The following TRAFD1 variants were observed in gnomAD, a reference collection of about 807,000 sequenced individuals.
The protein encoded by TRAFD1 is TRAF-type zinc finger domain containing 1.
In TRAFD1, 38 loss-of-function variants were observed where a neutral mutation model predicts 65.3. The observed-to-expected ratio is 0.58, with a 90% confidence interval of 0.45 to 0.76. The LOEUF (loss-of-function observed/expected upper bound fraction) is 0.76, where lower values mean the gene tolerates loss of function less well. Among genes scored for constraint, TRAFD1 ranks in the 30% least tolerant of loss-of-function variants. TRAFD1 has a pLI of 0.00. For missense variants in TRAFD1, 631 were observed against 712.6 expected, an observed-to-expected ratio of 0.89 and a Z score of 1.30; for synonymous variants, 223 against 257.2, an observed-to-expected ratio of 0.87 and a Z score of 1.27.
rs958553082 is a variant in TRAFD1, at chr12:112,149,871, G to A, written c.1279G>A (p.Gly427Arg). ...ELPRRRVRHQ[G>R]DLSSGYLDDT... ...GCCCAGGAGGCGTGTCAGACACCAG[G>A]GTATTTATTAGCCAGGACTCAGCCA... Residue 427 changes from glycine to arginine, a missense_variant and splice_region_variant, in exon 9 of 12, where the codon GGA (glycine) becomes AGA (arginine). Coordinates refer to ENST00000412615, the MANE Select transcript of TRAFD1 (RefSeq NM_006700.3). 2.5e-6 allele frequency: 4 copies of A among 1,613,954 alleles called. No homozygotes were observed. The highest frequency in any genetic ancestry group is 3.4e-6 in the Non-Finnish European group (4 of 1,179,906).
intron 6 of TRAFD1, among the ~76,000 whole-genome samples, chr12:112,145,034 C>T (rs1593870545): frequency 6.6e-6 from 1 of 152,146 alleles, no homozygotes; most frequent in South Asian, 2.1e-4. Context: ...GTAAATTTCC[C>T]TACATCCCGC....
Position 112,151,968 on chromosome 12 carries a change from G to A in TRAFD1, c.1447G>A (p.Val483Met), listed in dbSNP as rs1178198322. The change falls in exon 10 of 12, where the codon GTG (valine) becomes ATG (methionine). Residue 483 changes from valine (V) to methionine (M), a missense_variant. Coordinates refer to ENST00000412615, the MANE Select transcript of TRAFD1 (RefSeq NM_006700.3). ...RPGCQPSSPC[V>M]PKLSNSDSQD... Reference sequence around the variant, plus strand: ...TGGGTGCCAGCCCAGCTCTCCTTGTGTGCCGAAGCTCAGCAACTCAGACAG... The same window carrying A: ...TGGGTGCCAGCCCAGCTCTCCTTGTATGCCGAAGCTCAGCAACTCAGACAG... The A allele has an allele frequency of 1.2e-6, 2 of 1,614,220 alleles. No homozygotes were observed. Among genetic ancestry groups the A allele is most frequent in the South Asian group, 2.2e-5 (2 of 91,084 alleles).
Position 112,152,621 on chromosome 12 carries a change from T to C in TRAFD1, c.1693-114T>C, listed in dbSNP as rs2030441217. Reference sequence around the variant, plus strand: ...GGTTGTGGTTCAAAGATTGTTCCTTTGGCTTTTGAGAAGGAGGTTTCTAAG... The same window carrying C: ...GGTTGTGGTTCAAAGATTGTTCCTTCGGCTTTTGAGAAGGAGGTTTCTAAG... On this transcript the variant is annotated intron_variant, in intron 11 of 11. Coordinates refer to ENST00000412615, the MANE Select transcript of TRAFD1 (RefSeq NM_006700.3). This position sits in a 1 kb window ranked among gnomAD's most constrained non-coding sequence, Gnocchi z 5.0. 6.3e-7 allele frequency: 1 copy of C among 1,596,702 alleles called. No individual in the cohort carries two copies. The highest frequency in any genetic ancestry group is 8.6e-7 in the Non-Finnish European group (1 of 1,167,614).
chr12:112,133,514 A>C (rs533107454), intron 2 of TRAFD1, among the ~76,000 whole-genome samples: 62 of 152,298 alleles, frequency 4.1e-4, no homozygotes, highest in African/African-American at 1.5e-3. Context: ...CTGTTTTAAA[A>C]TAATCCTGGA....
At chr12:112,136,462 T>C (rs2029914629) in intron 4 of TRAFD1, among the ~76,000 whole-genome samples, 1 of 151,964 alleles carries the variant, frequency 6.6e-6, no homozygotes. Flanking sequence ...TTTGTATTTT[T>C]AGTAGAGACA....
At chr12:112,149,948 G>A in intron 9 of TRAFD1, 77 bp downstream of exon 9, 3 of 1,574,684 alleles carry the variant, frequency 1.9e-6, no homozygotes, top group South Asian at 1.1e-5. Context: ...CCCATCCACT[G>A]CTCTAATGTG....
Position 112,148,057 on chromosome 12 carries a change from T to A in TRAFD1, c.928-17T>A. Reference sequence around the variant, plus strand: ...ACCTCTGATTCTTGTTTTTAACCTATATTTTTTGAATGACAGACAAGCTGT... The same window carrying A: ...ACCTCTGATTCTTGTTTTTAACCTAAATTTTTTGAATGACAGACAAGCTGT... On this transcript the variant is annotated splice_polypyrimidine_tract_variant and intron_variant, in intron 7 of 11. Transcript: ENST00000412615. 1 of 1,597,274 alleles carries A rather than the reference T, an allele frequency of 6.3e-7. No homozygotes were observed. Among genetic ancestry groups the A allele is most frequent in the Non-Finnish European group, 8.6e-7 (1 of 1,167,628 alleles).
intron 7 of TRAFD1, among the ~76,000 whole-genome samples, chr12:112,146,185 A>G (rs1482651944): frequency 2.7e-5 from 4 of 147,788 alleles, no homozygotes; most frequent in Non-Finnish European, 4.4e-5. Context: ...TAAAAAAAAG[A>G]AGAAGAAGAA....
Position 112,135,007 on chromosome 12 carries a change from C to T in TRAFD1, c.184-6C>T. The stretch of plus-strand genomic sequence containing the variant: ...CCAATTTACTGATTCTCACTTCTTA[C>T]TCTAGGTGACCTGCAAATGTAACAA... On this transcript the variant is annotated splice_region_variant and splice_polypyrimidine_tract_variant and intron_variant, in intron 3 of 11. Coordinates refer to ENST00000412615, the MANE Select transcript of TRAFD1 (RefSeq NM_006700.3). The T allele has an allele frequency of 6.2e-7, 1 of 1,614,206 alleles. No homozygotes were observed. The highest frequency in any genetic ancestry group is 8.5e-7 in the Non-Finnish European group (1 of 1,180,038).
chr12:112,138,093 T>C (rs1376719609), intron 4 of TRAFD1, among the ~76,000 whole-genome samples: 1 of 151,848 alleles, frequency 6.6e-6, no homozygotes, highest in Non-Finnish European at 1.5e-5. Flanking sequence ...AACTAAAAAA[T>C]TAGCTGGGAA....
At chr12:112,142,831 A>G (rs1007095097) in intron 6 of TRAFD1, among the ~76,000 whole-genome samples, 3 of 152,198 alleles carry the variant, frequency 2.0e-5, no homozygotes, top group African/African-American at 7.2e-5. Flanking sequence ...AGTTCAGGGG[A>G]AAAATACATA....
Position 112,152,064 on chromosome 12 carries a change from C to T in TRAFD1, c.1543C>T (p.Arg515Cys), listed in dbSNP as rs778849216. 1.3e-5 allele frequency: 21 copies of T among 1,614,172 alleles called. 1 individual carries two copies. The highest frequency in any genetic ancestry group is 3.3e-4 in the Middle Eastern group (2 of 6,062). ...AIAPGHVSVI[R>C]PPQNLYPENI... is the part of the protein sequence containing the mutation. ...AGCCCCTGGGCACGTTTCAGTGATT[C>T]GCCCTCCTCAAAATCTCTACCCAGA... is the stretch of plus-strand genomic sequence containing the variant. The change falls in exon 10 of 12, where the codon CGC (arginine) becomes TGC (cysteine). Residue 515 changes from arginine to cysteine, a missense_variant. By Grantham distance (180) the Arg-to-Cys change is radical (BLOSUM62 -3). Transcript: ENST00000412615. The surrounding 1 kb of genome is among the most constrained non-coding windows in gnomAD (Gnocchi z 5.0).
In TRAFD1 at chr12:112,148,286, G is replaced by A. The variant is rs1469894650; in HGVS notation, c.1140G>A (p.Glu380=). The change falls in exon 8 of 12, where the codon GAG becomes GAA. Residue 380 remains glutamate, a synonymous_variant. Coordinates refer to ENST00000412615, the MANE Select transcript of TRAFD1 (RefSeq NM_006700.3). ...TCTGTGGGGTACAGCTGGAAGAGGA[G>A]GTGCTGTTCCATCACCAGGTAAGGG... is the stretch of plus-strand genomic sequence containing the variant. ...CEFCGVQLEE[E]VLFHHQDQCD... The A allele has an allele frequency of 6.2e-7, 1 of 1,614,072 alleles. No homozygotes were observed. The highest frequency in any genetic ancestry group is 8.5e-7 in the Non-Finnish European group (1 of 1,179,956).
chr12:112,140,077 C>A (rs1028167669), intron 4 of TRAFD1: 3 of 286,914 alleles, frequency 1.0e-5, no homozygotes, highest in Non-Finnish European at 1.4e-5. Flanking sequence ...GTTAGAGAAA[C>A]CTGTGTCTTT....
chr12:112,131,643 A>G lies in TRAFD1; in HGVS notation c.47+1074A>G, dbSNP rs544192402. Among the ~76,000 whole-genome samples the G allele has an allele frequency of 7.0e-4, 107 of 152,290 alleles. 1 individual carries two copies. Among genetic ancestry groups the G allele is most frequent in the African/African-American group, 2.5e-3 (105 of 41,584 alleles). Reference sequence around the variant, plus strand: ...CCTCTAATTTGCTAGCCCTTCCTTGAGACTTTTAGCAGTTTTATCTGGATA... The same window carrying G: ...CCTCTAATTTGCTAGCCCTTCCTTGGGACTTTTAGCAGTTTTATCTGGATA... On this transcript the variant is annotated intron_variant, in intron 2 of 11. Coordinates refer to ENST00000412615, the MANE Select transcript of TRAFD1 (RefSeq NM_006700.3).
intron 2 of TRAFD1, among the ~76,000 whole-genome samples, chr12:112,133,746 C>G (rs567855991): frequency 6.6e-6 from 1 of 151,258 alleles, no homozygotes; most frequent in Admixed American, 6.6e-5. Flanking sequence ...TTGCTATCCC[C>G]GAGGCTGGAG....
rs925007016 is a variant in TRAFD1 at position 112,125,634 on chromosome 12, G to A, written c.-13+16G>A. On this transcript the variant is annotated intron_variant, in intron 1 of 11. Coordinates refer to ENST00000412615, the MANE Select transcript of TRAFD1 (RefSeq NM_006700.3). ...CTCGTCCCTGGTGAGGTGTAGCGGC[G>A]GCACGCGGCTGGAGATCCCCTGTGG... 2.0e-5 allele frequency: 3 copies of A among 152,598 alleles called. No homozygotes were observed. Among genetic ancestry groups the A allele is most frequent in the Non-Finnish European group, 4.4e-5 (3 of 68,328 alleles). The allele number at this position is 152,598 out of a possible 1,614,324, so 9.5% of individuals were successfully genotyped here.
chr12:112,147,436 C>T (rs2030282720), intron 7 of TRAFD1, among the ~76,000 whole-genome samples: 1 of 152,014 alleles, frequency 6.6e-6, no homozygotes, highest in Admixed American at 6.6e-5. Flanking sequence ...TATTTGAATA[C>T]ATGTAGTTTT....
chr12:112,148,593 A>T (rs1251882394), intron 8 of TRAFD1, among the ~76,000 whole-genome samples: 1 of 152,190 alleles, frequency 6.6e-6, no homozygotes, highest in Non-Finnish European at 1.5e-5. Flanking sequence ...GAGAGTTTAG[A>T]TGACAGTCTC....
Sources: allele counts gnomAD v4.1 joint callset (sites outside exome capture counted in the v4.1 genomes callset), GRCh38; gene constraint gnomAD v4.1.1; non-coding constraint Gnocchi (gnomAD v3.1); transcripts MANE v1.5; gene names NCBI Gene and HGNC (gene_info 2026-07-23, HGNC 2026-07-21).